Variants in TASP1 observed in about 807,000 individuals in gnomAD.
TASP1 encodes threonine aspartase 1.
In TASP1, 16 loss-of-function variants were observed where a neutral mutation model predicts 56.6. The observed-to-expected ratio is 0.28, with a 90% confidence interval of 0.19 to 0.43. The LOEUF (loss-of-function observed/expected upper bound fraction) is 0.43, where lower values mean the gene tolerates loss of function less well. TASP1 is among the 20% of genes least tolerant of loss of function. The probability of loss-of-function intolerance (pLI) is 1.00; values close to 1 mark genes in which losing one functional copy is unlikely to be tolerated. For synonymous variants in TASP1, 179 were observed against 184.2 expected, an observed-to-expected ratio of 0.97 and a Z score of 0.23; for missense variants, 393 against 511.6, an observed-to-expected ratio of 0.77 and a Z score of 2.24.
chr20:13,188,836 C>G, the TASP1 span, among the ~76,000 whole-genome samples: 1 of 152,180 alleles, frequency 6.6e-6, no homozygotes, highest in Admixed American at 6.5e-5. Flanking sequence ...GAACTGTAAC[C>G]TAGCTTAACA....
chr20:13,392,982 G>A (rs1048916366), intron 13 of TASP1: 11 of 585,200 alleles, frequency 1.9e-5, no homozygotes, highest in African/African-American at 3.7e-5. Flanking sequence ...GTATCTTCAC[G>A]ACCATGGAGA....
At chr20:13,228,401 T>A in the TASP1 span, among the ~76,000 whole-genome samples, 2 of 152,214 alleles carry the variant, frequency 1.3e-5, no homozygotes, top group Non-Finnish European at 2.9e-5. Flanking sequence ...ATATCTTTAT[T>A]TGATTCTCAG....
At chr20:13,283,848 A>G in the TASP1 span, among the ~76,000 whole-genome samples, 3 of 152,198 alleles carry the variant, frequency 2.0e-5, no homozygotes, top group Non-Finnish European at 4.4e-5. Context: ...AATAGATTTC[A>G]CAGTGATTTT....
chr20:13,164,183 C>T, the TASP1 span, among the ~76,000 whole-genome samples: 6 of 152,010 alleles, frequency 3.9e-5, no homozygotes, highest in Non-Finnish European at 7.3e-5. Context: ...GATACATGTA[C>T]CCACCTAAAG....
chr20:13,638,228 T>G (rs1568682376), intron 1 of TASP1, among the ~76,000 whole-genome samples: 4 of 152,146 alleles, frequency 2.6e-5, no homozygotes, highest in Admixed American at 1.3e-4. Flanking sequence ...TAATAAAGAA[T>G]AATAATAATT....
the TASP1 span, among the ~76,000 whole-genome samples, chr20:13,348,742 T>G: frequency 7.4e-4 from 112 of 152,320 alleles, 1 homozygote; most frequent in African/African-American, 2.6e-3. Context: ...GACATGGAAC[T>G]GGGGCTTTAT....
intron 11 of TASP1, among the ~76,000 whole-genome samples, chr20:13,459,908 T>C (rs866495985): frequency 1.8e-4 from 28 of 152,162 alleles, no homozygotes; most frequent in Non-Finnish European, 3.2e-4. Context: ...TCATGAATCA[T>C]TGTCCTGTAT....
chr20:13,594,806 G>C (rs1175186286), intron 4 of TASP1, among the ~76,000 whole-genome samples: 1 of 152,110 alleles, frequency 6.6e-6, no homozygotes, highest in African/African-American at 2.4e-5. Context: ...CACTCTTCAG[G>C]ATATCATCCA....
chr20:13,174,240 A>G, the TASP1 span, among the ~76,000 whole-genome samples: 1 of 152,200 alleles, frequency 6.6e-6, no homozygotes, highest in Non-Finnish European at 1.5e-5. Flanking sequence ...CAGGTCTTTT[A>G]AATTTATACT....
At chr20:13,516,326 T>G (rs898391311) in intron 10 of TASP1, among the ~76,000 whole-genome samples, 2 of 152,118 alleles carry the variant, frequency 1.3e-5, no homozygotes, top group Non-Finnish European at 2.9e-5. Context: ...GAGTTATGCT[T>G]TCAAGTCAGG....
the TASP1 span, among the ~76,000 whole-genome samples, chr20:13,375,457 C>T: frequency 1.2e-4 from 19 of 152,030 alleles, no homozygotes; most frequent in African/African-American, 4.6e-4. Context: ...TGTATATGTG[C>T]CACATTTTCT....
chr20:13,247,430 G>A, the TASP1 span, among the ~76,000 whole-genome samples: 1 of 152,000 alleles, frequency 6.6e-6, no homozygotes, highest in African/African-American at 2.4e-5. Context: ...CTTGCAGCCT[G>A]TACAGGTCAG....
intron 8 of TASP1, among the ~76,000 whole-genome samples, chr20:13,553,952 C>T (rs1480162025): frequency 6.6e-6 from 1 of 152,128 alleles, no homozygotes; most frequent in Non-Finnish European, 1.5e-5. Flanking sequence ...TGGAAATAGC[C>T]ATGTGACTGA....
At chr20:13,151,945 T>G in the TASP1 span, among the ~76,000 whole-genome samples, 1 of 152,100 alleles carries the variant, frequency 6.6e-6, no homozygotes, top group Non-Finnish European at 1.5e-5. Flanking sequence ...CATGAGGCTG[T>G]CAAACACTTG....
chr20:13,538,155 C>T (rs2045486190), intron 8 of TASP1, among the ~76,000 whole-genome samples: 1 of 152,086 alleles, frequency 6.6e-6, no homozygotes, highest in African/African-American at 2.4e-5. Context: ...GCACCCACCA[C>T]CACACCCAGC....
the TASP1 span, among the ~76,000 whole-genome samples, chr20:13,304,946 A>G: frequency 1.3e-5 from 2 of 152,198 alleles, no homozygotes; most frequent in Non-Finnish European, 2.9e-5. Context: ...GCCATCTCTC[A>G]GAGTGTGCTT....
chr20:13,120,562 T>C, the TASP1 span, among the ~76,000 whole-genome samples: 1 of 152,212 alleles, frequency 6.6e-6, no homozygotes, highest in Admixed American at 6.5e-5. Context: ...ATAGAGGGGC[T>C]GCATTCCCAG....
At chr20:13,218,725 T>C in the TASP1 span, among the ~76,000 whole-genome samples, 2 of 152,206 alleles carry the variant, frequency 1.3e-5, no homozygotes, top group Non-Finnish European at 2.9e-5. Context: ...CCGTGTTCCC[T>C]AACTCAAAAA....
At chr20:13,636,738 A>G (rs888258389) in intron 1 of TASP1, among the ~76,000 whole-genome samples, 4 of 152,236 alleles carry the variant, frequency 2.6e-5, no homozygotes, top group Non-Finnish European at 5.9e-5. Flanking sequence ...ATTTTCAACA[A>G]GAGTGTTGAA....
Sources: allele counts gnomAD v4.1 joint callset (sites outside exome capture counted in the v4.1 genomes callset), GRCh38; gene constraint gnomAD v4.1.1; transcripts MANE v1.5; gene names NCBI Gene and HGNC (gene_info 2026-07-23, HGNC 2026-07-21).